The following ADCY2 variants were observed in gnomAD, a reference collection of about 807,000 sequenced individuals.
ADCY2 encodes adenylate cyclase 2.
In ADCY2, 31 loss-of-function variants were observed where a neutral mutation model predicts 125.2. That is an observed-to-expected ratio of 0.25 (90% CI 0.19 to 0.33). The LOEUF (loss-of-function observed/expected upper bound fraction) is 0.33, where lower values mean the gene tolerates loss of function less well. ADCY2 is among the 10% of genes least tolerant of loss of function. The pLI, the probability that ADCY2 is intolerant of heterozygous loss-of-function variation, is 1.00. For missense variants in ADCY2, 904 were observed against 1,418.2 expected, an observed-to-expected ratio of 0.64 and a Z score of 5.82; for synonymous variants, 512 against 548.4, an observed-to-expected ratio of 0.93 and a Z score of 0.93.
At chr5:7,457,277 A>C (rs1217062507) in intron 2 of ADCY2, among the ~76,000 whole-genome samples, 1 of 152,148 alleles carries the variant, frequency 6.6e-6, no homozygotes, top group African/African-American at 2.4e-5. Context: ...CCCAGAAATT[A>C]GTGGTTAAAC....
chr5:7,662,797 G>C (rs1739577717), intron 4 of ADCY2, among the ~76,000 whole-genome samples: 1 of 152,156 alleles, frequency 6.6e-6, no homozygotes, highest in Non-Finnish European at 1.5e-5. Context: ...TTCATGAAAG[G>C]GCTTTACAGA....
At chr5:7,573,188 C>T (rs187875125) in intron 3 of ADCY2, among the ~76,000 whole-genome samples, 1 of 152,260 alleles carries the variant, frequency 6.6e-6, no homozygotes, top group Admixed American at 6.5e-5. Context: ...ATTTATTCTA[C>T]CTAGTCTGTG....
At chr5:7,445,730 C>G (rs745813565) in intron 2 of ADCY2, among the ~76,000 whole-genome samples, 8 of 152,136 alleles carry the variant, frequency 5.3e-5, no homozygotes, top group Admixed American at 2.0e-4. Flanking sequence ...ATCATTCATT[C>G]ATTCAATTAT....
intron 11 of ADCY2, among the ~76,000 whole-genome samples, chr5:7,715,341 A>T (rs1171558627): frequency 6.6e-6 from 1 of 152,182 alleles, no homozygotes; most frequent in African/African-American, 2.4e-5. Flanking sequence ...ACTGGACAAA[A>T]TATCGAAGAA....
At chr5:7,699,111 T>TTTTTG in intron 7 of ADCY2, among the ~76,000 whole-genome samples, 1 of 126,058 alleles carries the variant, frequency 7.9e-6, no homozygotes, top group East Asian at 2.3e-4. Context: ...TTTTTTTTTT[T>TTTTTG]TTTTGAGACG....
intron 16 of ADCY2, 126 bp from the exon 17 acceptor site, chr5:7,766,561 C>G (rs150513113): frequency 1.1e-6 from 1 of 894,020 alleles, no homozygotes; most frequent in African/African-American, 1.7e-5. Flanking sequence ...ATAGAAATTC[C>G]CGAGTCCACA....
chr5:7,444,367 G>A (rs796914837), intron 2 of ADCY2, among the ~76,000 whole-genome samples: 5 of 151,866 alleles, frequency 3.3e-5, no homozygotes, highest in African/African-American at 1.2e-4. Context: ...CTCCCGCCTC[G>A]GCCTCCCAAA....
intron 4 of ADCY2, among the ~76,000 whole-genome samples, chr5:7,655,826 A>G (rs1009580173): frequency 1.3e-5 from 2 of 152,138 alleles, no homozygotes; most frequent in Non-Finnish European, 2.9e-5. Context: ...GTGGGGAAGC[A>G]AAACAAAGCC....
intron 19 of ADCY2, among the ~76,000 whole-genome samples, chr5:7,785,734 C>A (rs967792008): frequency 2.0e-5 from 3 of 152,202 alleles, no homozygotes; most frequent in African/African-American, 7.2e-5. Context: ...ATGCAGCCAT[C>A]CCCTCTGTGG....
chr5:7,402,779 T>G (rs1765395228), intron 1 of ADCY2, among the ~76,000 whole-genome samples: 1 of 152,224 alleles, frequency 6.6e-6, no homozygotes, highest in African/African-American at 2.4e-5. Context: ...TTGAAACATA[T>G]AGACAGAAAG....
intron 17 of ADCY2, among the ~76,000 whole-genome samples, chr5:7,767,040 A>C (rs1743405447): frequency 6.6e-6 from 1 of 152,174 alleles, no homozygotes; most frequent in African/African-American, 2.4e-5. Context: ...TTTCACCAGT[A>C]ATGTTTCCTT....
At chr5:7,807,410 C>G (rs1266053304) in intron 22 of ADCY2, among the ~76,000 whole-genome samples, 1 of 152,212 alleles carries the variant, frequency 6.6e-6, no homozygotes, top group Non-Finnish European at 1.5e-5. Context: ...AAAAACACTT[C>G]CAGATTCCAA....
intron 3 of ADCY2, among the ~76,000 whole-genome samples, chr5:7,565,883 A>G (rs1735877893): frequency 6.6e-6 from 1 of 152,192 alleles, no homozygotes; most frequent in Admixed American, 6.5e-5. Flanking sequence ...AAATAAATGT[A>G]TTTGACCATG....
intron 3 of ADCY2, among the ~76,000 whole-genome samples, chr5:7,564,121 T>G (rs1425359498): frequency 6.6e-6 from 1 of 152,204 alleles, no homozygotes; most frequent in Non-Finnish European, 1.5e-5. Context: ...TTCAAGACCT[T>G]CTTTTCTCCC....
At chr5:7,715,606 T>C (rs1193609932) in intron 11 of ADCY2, among the ~76,000 whole-genome samples, 2 of 152,122 alleles carry the variant, frequency 1.3e-5, no homozygotes, top group Non-Finnish European at 2.9e-5. Context: ...TTCAAACAAC[T>C]TGGAATTTGG....
Position 7,829,895 on chromosome 5 carries a change from T to C in ADCY2, c.*3024T>C, listed in dbSNP as rs553488987. 5.9e-5 allele frequency: 9 copies of C among 152,112 alleles called. No homozygotes were observed. The East Asian group carries it at 1.4e-3, about 23-fold the overall frequency. The allele number at this position is 152,112 out of a possible 1,614,324, so 9.4% of individuals were successfully genotyped here. ...GAGTCTGAGACCAGCCTGGGCAACA[T>C]AGCAAGACCCCCATCTCTGCAAAAA... On this transcript the variant is annotated 3_prime_UTR_variant, in exon 25 of 25. Coordinates refer to ENST00000338316, the MANE Select transcript of ADCY2 (RefSeq NM_020546.3).
intron 1 of ADCY2, among the ~76,000 whole-genome samples, chr5:7,409,385 TTAAAAA>T (rs1479525801): frequency 2.6e-5 from 4 of 152,238 alleles, no homozygotes; most frequent in Non-Finnish European, 4.4e-5. Flanking sequence ...AACTTAAATG[TTAAAAA>T]TAAAATAAAA....
At chr5:7,419,394 G>A (rs1317356897) in intron 2 of ADCY2, among the ~76,000 whole-genome samples, 1 of 152,188 alleles carries the variant, frequency 6.6e-6, no homozygotes, top group Admixed American at 6.5e-5. Flanking sequence ...TCCTCTCTCT[G>A]TGGAGTCATG....
At chr5:7,702,419 CTTCCTG>C (rs1370196064) in intron 7 of ADCY2, among the ~76,000 whole-genome samples, 1 of 151,908 alleles carries the variant, frequency 6.6e-6, no homozygotes, top group African/African-American at 2.4e-5. Flanking sequence ...TGATGTTCCC[CTTCCTG>C]TGTCCATGTG....
Sources: allele counts gnomAD v4.1 joint callset (sites outside exome capture counted in the v4.1 genomes callset), GRCh38; gene constraint gnomAD v4.1.1; transcripts MANE v1.5; gene names NCBI Gene and HGNC (gene_info 2026-07-23, HGNC 2026-07-21).